The following TANK variants were observed in gnomAD, a reference collection of about 807,000 sequenced individuals.
The protein encoded by TANK is TRAF family member-associated NF-kappa-B activator.
Under a neutral mutation model 43.6 loss-of-function variants are expected in TANK, and 15 were observed. That is an observed-to-expected ratio of 0.34 (90% CI 0.23 to 0.53). TANK has a LOEUF of 0.53. Ranked by LOEUF, TANK falls within the 20% of genes least tolerant of loss-of-function variation. TANK has a pLI of 0.94. For synonymous variants in TANK, 162 were observed against 178.2 expected, an observed-to-expected ratio of 0.91 and a Z score of 0.73; for missense variants, 417 against 498.6, an observed-to-expected ratio of 0.84 and a Z score of 1.56.
intron 2 of TANK, among the ~76,000 whole-genome samples, chr2:161,190,241 A>G (rs1574010068): frequency 1.3e-5 from 2 of 152,170 alleles, no homozygotes; most frequent in African/African-American, 2.4e-5. Flanking sequence ...TTCATTAGTA[A>G]AACCACAGTG....
intron 1 of TANK, among the ~76,000 whole-genome samples, chr2:161,167,708 C>T (rs1223188566): frequency 1.3e-5 from 2 of 152,158 alleles, no homozygotes; most frequent in African/African-American, 4.8e-5. Flanking sequence ...CTGCAAGCTC[C>T]GCTTCCTGGG....
intron 1 of TANK, chr2:161,161,371 C>T (rs1476827372): frequency 8.4e-6 from 13 of 1,550,634 alleles, no homozygotes; most frequent in Non-Finnish European, 9.6e-6. Flanking sequence ...AAGAAAATGA[C>T]CTGCCTTCTT....
Position 161,235,917 on chromosome 2 carries a change from G to A in TANK, c.*399G>A. ...ATTTGGTGATGTCAAATGTTTCTAG[G>A]GTTTTTTTAGTTTGTTTTTATTGAA... is the stretch of plus-strand genomic sequence containing the variant. On this transcript the variant is annotated 3_prime_UTR_variant, in exon 8 of 8. Transcript: ENST00000392749. The A allele has an allele frequency of 6.5e-6, 1 of 152,706 alleles. No individual in the cohort carries two copies. The highest frequency in any genetic ancestry group is 1.5e-5 in the Non-Finnish European group (1 of 68,532). The allele number at this position is 152,706 out of a possible 1,614,324, so 9.5% of individuals were successfully genotyped here.
At chr2:161,200,839 A>G (rs1187784784) in intron 2 of TANK, among the ~76,000 whole-genome samples, 2 of 152,016 alleles carry the variant, frequency 1.3e-5, no homozygotes, top group Admixed American at 1.3e-4. Context: ...AAGTAAAGGA[A>G]TAAAAGAATG....
rs766693132 is a variant in TANK, at chr2:161,231,488, C to A, written c.1038C>A (p.Asp346Glu). The A allele has an allele frequency of 6.2e-7, 1 of 1,613,818 alleles. No homozygotes were observed. Among genetic ancestry groups the A allele is most frequent in the East Asian group, 2.2e-5 (1 of 44,890 alleles). ...ATGTAAATAGCTTCCCACTTCTGGA[C>A]CCATCTGATGCACCTTTTCCCTCAC... ...ALYVNSFPLL[D>E]PSDAPFPSLD... Residue 346 changes from aspartate (D) to glutamate (E), a missense_variant, in exon 7 of 8, where the codon GAC (aspartate) becomes GAA (glutamate). Physicochemically the swap from Asp to Glu is conservative, Grantham distance 45. Transcript: ENST00000392749.
At chr2:161,203,804 TC>T (rs956118852) in intron 3 of TANK, among the ~76,000 whole-genome samples, 7 of 152,024 alleles carry the variant, frequency 4.6e-5, no homozygotes, top group Non-Finnish European at 1.0e-4. Context: ...ATGGTAGAAC[TC>T]TAAGTTTATA....
chr2:161,209,170 A>G (rs1458324665), intron 4 of TANK, among the ~76,000 whole-genome samples: 2 of 152,258 alleles, frequency 1.3e-5, no homozygotes, highest in Non-Finnish European at 2.9e-5. Flanking sequence ...CAAAAATTCT[A>G]ATATGAATAT....
At position 161,215,532 on chromosome 2, in the gene TANK, T is replaced by G. The variant is rs569264103; in HGVS notation, c.328-8383T>G. 2.6e-5 allele frequency among the ~76,000 whole-genome samples: 4 copies of G among 152,308 alleles called. No individual in the cohort carries two copies. The South Asian group carries it at 8.3e-4, about 32-fold the overall frequency. ...TACCTGCATTTTCTAGTATGTTCCA[T>G]AAAACCCTAGGACTATGAAGTGCTG... On this transcript the variant is annotated intron_variant, in intron 4 of 7. Transcript: ENST00000392749.
At chr2:161,185,908 A>G (rs13390302) in intron 2 of TANK, among the ~76,000 whole-genome samples, 1 of 152,168 alleles carries the variant, frequency 6.6e-6, no homozygotes, top group Non-Finnish European at 1.5e-5. Flanking sequence ...CACATTACAC[A>G]ACAGCCAGAG....
chr2:161,187,774 G>T (rs549536947), intron 2 of TANK, among the ~76,000 whole-genome samples: 29 of 152,274 alleles, frequency 1.9e-4, no homozygotes, highest in African/African-American at 6.5e-4. Context: ...ATACACATTT[G>T]CTCAAGGGCA....
At chr2:161,202,890 G>A (rs1320162070) in intron 2 of TANK, 3 of 466,174 alleles carry the variant, frequency 6.4e-6, no homozygotes, top group Non-Finnish European at 1.3e-5. Context: ...CAAAATTAAT[G>A]GATTAACAAT....
intron 1 of TANK, among the ~76,000 whole-genome samples, chr2:161,170,858 C>T (rs1684912298): frequency 6.6e-6 from 1 of 152,226 alleles, no homozygotes; most frequent in Non-Finnish European, 1.5e-5. Context: ...TATACTTCAA[C>T]TCTGATTTTA....
At chr2:161,211,998 T>C in intron 4 of TANK, 1 of 935,160 alleles carries the variant, frequency 1.1e-6, no homozygotes, top group East Asian at 1.2e-4. Context: ...GAAAGGAAAA[T>C]AACTATCTTC....
intron 4 of TANK, among the ~76,000 whole-genome samples, chr2:161,211,107 A>G (rs1236110120): frequency 2.6e-5 from 4 of 152,192 alleles, no homozygotes; most frequent in Non-Finnish European, 5.9e-5. Context: ...TCTTAACTTT[A>G]TTCTATAGAC....
chr2:161,161,711 A>C lies in TANK; in HGVS notation c.-50+1225A>C, dbSNP rs558091674. 2.2e-5 allele frequency: 8 copies of C among 358,476 alleles called. No individual in the cohort carries two copies. The East Asian group carries it at 4.3e-4, about 19-fold the overall frequency. 22.2% of individuals were successfully genotyped at this position (358,476 alleles called of 1,614,324 possible). ...TATTTTATTGTAATGTTGGCGTGGT[A>C]CTGCATTGTGTAGATGTACCAAATT... On this transcript the variant is annotated intron_variant, in intron 1 of 7. Coordinates refer to ENST00000392749, the MANE Select transcript of TANK (RefSeq NM_001199135.3).
chr2:161,160,334 C>T (rs916964718), upstream of TANK: 27 of 906,092 alleles, frequency 3.0e-5, no homozygotes, highest in Non-Finnish European at 3.0e-5. Context: ...GGCGGAAGGG[C>T]CCTGGCCTTG....
chr2:161,147,736 G>A (rs977776069), intron 1 of TANK, among the ~76,000 whole-genome samples: 3 of 149,422 alleles, frequency 2.0e-5, no homozygotes, highest in Admixed American at 6.6e-5. Flanking sequence ...GCCTCCAATC[G>A]CTGCTCCTTC....
intron 2 of TANK, among the ~76,000 whole-genome samples, chr2:161,197,718 G>A (rs1387509021): frequency 6.6e-6 from 1 of 152,046 alleles, no homozygotes; most frequent in African/African-American, 2.4e-5. Context: ...AGGGCAAAAA[G>A]GACTGAACTC....
upstream of TANK, chr2:161,160,257 GC>G: frequency 2.5e-6 from 1 of 407,376 alleles, no homozygotes; most frequent in East Asian, 3.6e-5. Flanking sequence ...GCTGGGCAGG[GC>G]TGGGGGAGGG....
Sources: allele counts gnomAD v4.1 joint callset (sites outside exome capture counted in the v4.1 genomes callset), GRCh38; gene constraint gnomAD v4.1.1; transcripts MANE v1.5; gene names NCBI Gene and HGNC (gene_info 2026-07-23, HGNC 2026-07-21).